ABCA3: variants seen among roughly 807,000 people sequenced by gnomAD.
ABCA3 encodes the protein phospholipid-transporting ATPase ABCA3.
A neutral mutation model predicts 172.8 loss-of-function variants in ABCA3; 88 were observed. The observed-to-expected ratio is 0.51, with a 90% CI of 0.43 to 0.61. The LOEUF (loss-of-function observed/expected upper bound fraction) is 0.61. Ranked by LOEUF, ABCA3 falls within the 20% of genes least tolerant of loss-of-function variation. ABCA3 has a pLI of 0.00. For synonymous variants in ABCA3, 1,066 were observed against 983.8 expected (o/e 1.08, Z -1.56); for missense variants, 2,164 against 2,301.0 (o/e 0.94, Z 1.22).
intron 1 of ABCA3, among the ~76,000 whole-genome samples, chr16:2,331,315 C>T (rs1056778153): frequency 6.6e-6 from 1 of 152,184 alleles, no homozygotes; most frequent in African/African-American, 2.4e-5. Context: ...AGTGATCCTC[C>T]CATCTCAGCC....
In ABCA3 at chr16:2,279,107, G is replaced by T; in HGVS notation, c.4383C>A (p.Cys1461Ter). Residue 1461 changes from cysteine (C) to a stop codon, truncating the protein, a stop_gained, in exon 29 of 33, where the codon TGC (cysteine) becomes TGA (stop). Transcript: ENST00000301732. LOFTEE classifies it high-confidence loss of function. This position sits in a 1 kb window ranked among gnomAD's most constrained non-coding sequence, Gnocchi z 4.4. ...GGTCCAGCAAGGCATCAAACTGCGGGCAGTAGCCGATCCGCTGCCGCACCT... is the reference window on the plus strand; with the variant it reads ...GGTCCAGCAAGGCATCAAACTGCGGTCAGTAGCCGATCCGCTGCCGCACCT... Reference protein sequence around the residue: ...VGKVRQRIGYCPQFDALLDHM... With the variant: ...VGKVRQRIGY The T allele has an allele frequency of 6.2e-7, 1 of 1,611,828 alleles. No individual in the cohort carries two copies. Among genetic ancestry groups the T allele is most frequent in the Non-Finnish European group, 8.5e-7 (1 of 1,179,994 alleles).
chr16:2,329,878 G>C (rs902352715), intron 1 of ABCA3, 24 bp from the exon 2 acceptor site: 1 of 152,220 alleles, frequency 6.6e-6, no homozygotes, highest in Non-Finnish European at 1.5e-5. Context: ...GAAGGTGTTT[G>C]AGTGTAATTT....
chr16:2,287,343 G>A lies in ABCA3; in HGVS notation c.3005-376C>T, dbSNP rs1596835170. On this transcript the variant is annotated intron_variant, in intron 21 of 32. Transcript: ENST00000301732. This position sits in a 1 kb window ranked among gnomAD's most constrained non-coding sequence, Gnocchi z 4.1. ...CACCCAGGCTGGAGTGCAATGGTGCGATCTTGGCTCACTGCAGCCTCCACC... is the reference window on the plus strand; with the variant it reads ...CACCCAGGCTGGAGTGCAATGGTGCAATCTTGGCTCACTGCAGCCTCCACC... Among the ~76,000 whole-genome samples, 1 of 151,694 alleles carries A rather than the reference G, an allele frequency of 6.6e-6. No individual in the cohort carries two copies. Among genetic ancestry groups the A allele is most frequent in the African/African-American group, 2.4e-5 (1 of 41,270 alleles).
At position 2,284,582 on chromosome 16, in the gene ABCA3, C is replaced by G; in HGVS notation, c.3704-145G>C. 13 of 1,368,010 alleles carry G rather than the reference C, an allele frequency of 9.5e-6. No homozygotes were observed. In the South Asian group the frequency reaches 1.6e-4, roughly 16 times the overall value. 84.7% of individuals were successfully genotyped at this position (1,368,010 alleles called of 1,614,324 possible). Reference sequence around the variant, plus strand: ...CCCAGGGACGCCCCTGCCGGCTCTGCACAGGGCAAGGACGCCGCAGACGCC... The same window carrying G: ...CCCAGGGACGCCCCTGCCGGCTCTGGACAGGGCAAGGACGCCGCAGACGCC... On this transcript the variant is annotated intron_variant, in intron 24 of 32. Coordinates refer to ENST00000301732, the MANE Select transcript of ABCA3 (RefSeq NM_001089.3). The surrounding 1 kb of genome is among the most constrained non-coding windows in gnomAD (Gnocchi z 5.9).
chr16:2,296,582 G>T (rs1319350328), intron 17 of ABCA3, among the ~76,000 whole-genome samples: 1 of 152,200 alleles, frequency 6.6e-6, no homozygotes, highest in East Asian at 1.9e-4. Context: ...GAAGAACAAT[G>T]GCTCTGCCAA....
intron 1 of ABCA3, among the ~76,000 whole-genome samples, chr16:2,336,767 A>C (rs2093752491): frequency 6.6e-6 from 1 of 151,804 alleles, no homozygotes; most frequent in African/African-American, 2.4e-5. Flanking sequence ...ATTGATCTTA[A>C]ATGCTGGGAC....
At position 2,281,560 on chromosome 16, in the gene ABCA3, T is replaced by C; in HGVS notation, c.4036-51A>G. Reference sequence around the variant, plus strand: ...TGCGTGAACCCAGCCGCAGGGCGGCTTCCGTGGAGAAGGGAGGGGCGGGGG... The same window carrying C: ...TGCGTGAACCCAGCCGCAGGGCGGCCTCCGTGGAGAAGGGAGGGGCGGGGG... On this transcript the variant is annotated intron_variant, in intron 26 of 32. Transcript: ENST00000301732. The surrounding 1 kb of genome is among the most constrained non-coding windows in gnomAD (Gnocchi z 4.7). The C allele has an allele frequency of 2.0e-6, 3 of 1,522,980 alleles. No individual in the cohort carries two copies. The highest frequency in any genetic ancestry group is 1.8e-6 in the Non-Finnish European group (2 of 1,121,898). 94.3% of individuals were successfully genotyped at this position (1,522,980 alleles called of 1,614,324 possible).
chr16:2,302,649 A>T (rs199676793), intron 12 of ABCA3, among the ~76,000 whole-genome samples: 1 of 151,560 alleles, frequency 6.6e-6, no homozygotes, highest in East Asian at 1.9e-4. Flanking sequence ...TAATTTTTTA[A>T]ATTTTTTATT....
intron 13 of ABCA3, 132 bp from the exon 14 acceptor site, chr16:2,299,664 G>A: frequency 7.1e-7 from 1 of 1,407,498 alleles, no homozygotes; most frequent in Non-Finnish European, 9.9e-7. Context: ...GCAGAGGGGA[G>A]GGACGTTTCG....
rs149863262 is a variant in ABCA3 at position 2,289,617 on chromosome 16, G to A, written c.2517C>T (p.Val839=). 43 of 1,549,248 alleles carry A rather than the reference G, an allele frequency of 2.8e-5. No individual in the cohort carries two copies. The Admixed American group carries it at 2.9e-4, about 11-fold the overall frequency. The change falls in exon 20 of 33, where the codon GTC becomes GTT. Residue 839 remains valine (V), a synonymous_variant. Coordinates refer to ENST00000301732, the MANE Select transcript of ABCA3 (RefSeq NM_001089.3). ...CCATACTGCTGTCCACCAGCTTCCC[G>A]ACCCTGTGCCGATACACACAGGGAC... The part of the protein sequence containing the change: ...ITTMEEVFLR[V]GKLVDSSMDI...
rs372603761 is a variant in ABCA3 at position 2,283,332 on chromosome 16, C to T, written c.3889G>A (p.Ala1297Thr). The T allele has an allele frequency of 1.4e-5, 22 of 1,613,046 alleles. No individual in the cohort carries two copies. Among genetic ancestry groups the T allele is most frequent in the East Asian group, 2.2e-5 (1 of 44,880 alleles). Reference protein sequence around the residue: ...YNIQYQENFYAWSAPGVGRFV... With the variant: ...YNIQYQENFYTWSAPGVGRFV... ...CGGCCGACCCCCGGGGCGCTCCAGGCATAGAAGTTCTCCTGGTACTGGATG... is the reference window on the plus strand; with the variant it reads ...CGGCCGACCCCCGGGGCGCTCCAGGTATAGAAGTTCTCCTGGTACTGGATG... Residue 1297 changes from alanine (A) to threonine (T), a missense_variant, in exon 26 of 33, where the codon GCC becomes ACC. Transcript: ENST00000301732. The surrounding 1 kb of genome is among the most constrained non-coding windows in gnomAD (Gnocchi z 5.4).
At chr16:2,323,768 T>C (rs2093729827) in intron 6 of ABCA3, 80 bp from the exon 7 acceptor site, 3 of 1,543,724 alleles carry the variant, frequency 1.9e-6, no homozygotes, top group African/African-American at 1.4e-5. Flanking sequence ...GGGAGAGCGC[T>C]TGGGGGGCTG....
In ABCA3 at chr16:2,311,562, G is replaced by A. The variant is rs1285030795; in HGVS notation, c.1112-2939C>T. The stretch of plus-strand genomic sequence containing the variant: ...TTTGGAGAGAGAGTCTCGCTCTGTC[G>A]CCCAGGCTGGAGTGCAGTGGCACGA... On this transcript the variant is annotated intron_variant, in intron 10 of 32. Coordinates refer to ENST00000301732, the MANE Select transcript of ABCA3 (RefSeq NM_001089.3). Among the ~76,000 whole-genome samples the A allele has an allele frequency of 4.6e-5, 7 of 150,800 alleles. No individual in the cohort carries two copies. The East Asian group carries it at 5.9e-4, about 13-fold the overall frequency.
Position 2,276,575 on chromosome 16 carries a change from T to A in ABCA3, c.*99A>T. ...TCATATCCATCATAGAAAAAAGTGA[T>A]TAAAAATAAAGGATGAGATAAACTT... On this transcript the variant is annotated 3_prime_UTR_variant, in exon 33 of 33. Coordinates refer to ENST00000301732, the MANE Select transcript of ABCA3 (RefSeq NM_001089.3). 1 of 1,555,646 alleles carries A rather than the reference T, an allele frequency of 6.4e-7. No homozygotes were observed. Among genetic ancestry groups the A allele is most frequent in the Non-Finnish European group, 8.7e-7 (1 of 1,153,010 alleles).
At chr16:2,289,699 G>A in intron 19 of ABCA3, 79 bp from the exon 20 acceptor site, 1 of 1,468,064 alleles carries the variant, frequency 6.8e-7, no homozygotes. Context: ...TAGAGGCACT[G>A]AGGGGAGCAG....
Position 2,285,150 on chromosome 16 carries a change from C to A in ABCA3, c.3484-152G>T. ...CCCCACAGGCCACGTCTGGCCCCCG[C>A]GGTGGCTTTCAGCCCCAGGACCCTC... On this transcript the variant is annotated intron_variant, in intron 23 of 32. Transcript: ENST00000301732. The surrounding 1 kb of genome is among the most constrained non-coding windows in gnomAD (Gnocchi z 4.7). The A allele has an allele frequency of 1.1e-6, 1 of 949,864 alleles. No individual in the cohort carries two copies. The highest frequency in any genetic ancestry group is 3.1e-4 in the Middle Eastern group (1 of 3,234). The allele number at this position is 949,864 out of a possible 1,614,324, so 58.8% of individuals were successfully genotyped here. A position where few individuals can be genotyped will look rare whatever the true frequency, so the allele number is the denominator to read the frequency against.
chr16:2,331,562 T>G (rs2093743267), intron 1 of ABCA3, among the ~76,000 whole-genome samples: 1 of 152,230 alleles, frequency 6.6e-6, no homozygotes, highest in South Asian at 2.1e-4. Flanking sequence ...AGGCTTTACC[T>G]AAAGTCTCAC....
chr16:2,326,468 G>C lies in ABCA3; in HGVS notation c.-2C>G, dbSNP rs760334694. Reference sequence around the variant, plus strand: ...CGCCAGCTGCCTGAGCACAGCCATCGTCTTGCTGAAAGGGACGCCCAGTGC... The same window carrying C: ...CGCCAGCTGCCTGAGCACAGCCATCCTCTTGCTGAAAGGGACGCCCAGTGC... On this transcript the variant is annotated 5_prime_UTR_variant, in exon 4 of 33. Coordinates refer to ENST00000301732, the MANE Select transcript of ABCA3 (RefSeq NM_001089.3). 6.2e-7 allele frequency: 1 copy of C among 1,610,650 alleles called. No homozygotes were observed. The highest frequency in any genetic ancestry group is 2.2e-5 in the East Asian group (1 of 44,778).
intron 10 of ABCA3, among the ~76,000 whole-genome samples, chr16:2,310,554 T>C (rs1275215932): frequency 1.3e-5 from 2 of 151,018 alleles, no homozygotes; most frequent in Admixed American, 1.3e-4. Context: ...TCTCATACTA[T>C]CGCCCAGGAT....
Sources: gnomAD v4.1 joint callset for allele counts (sites outside exome capture counted in the v4.1 genomes callset) on GRCh38, gnomAD v4.1.1 for gene constraint, Gnocchi (gnomAD v3.1) non-coding constraint, MANE v1.5 for transcripts, NCBI Gene and HGNC (gene_info 2026-07-23, HGNC 2026-07-21) for gene names.